PTGER3: variants seen among roughly 807,000 people sequenced by gnomAD.
PTGER3 encodes the protein prostaglandin E receptor 3.
Under a neutral mutation model 34.7 loss-of-function variants are expected in PTGER3, and 22 were observed. The observed-to-expected ratio is 0.63, with a 90% CI of 0.45 to 0.91. PTGER3 has a LOEUF of 0.91. PTGER3 is among the 40% of genes least tolerant of loss of function. PTGER3 has a pLI of 0.00. For missense variants in PTGER3, 468 were observed against 519.4 expected, an observed-to-expected ratio of 0.90 and a Z score of 0.96; for synonymous variants, 241 against 230.1, an observed-to-expected ratio of 1.05 and a Z score of -0.43.
intron 2 of PTGER3, among the ~76,000 whole-genome samples, chr1:70,981,375 CTTTCTTTCT>C (rs1301824040): frequency 2.2e-4 from 22 of 99,206 alleles, no homozygotes; most frequent in South Asian, 3.7e-4. Flanking sequence ...TTCTTTCTTT[CTTTCTTTCT>C]TTCTTTCTTT....
chr1:70,977,924 C>A (rs552159991), intron 2 of PTGER3, among the ~76,000 whole-genome samples: 1 of 152,172 alleles, frequency 6.6e-6, no homozygotes, highest in African/African-American at 2.4e-5. Context: ...TCCTAAACAA[C>A]TGACCAGAAT....
chr1:70,964,930 G>T (rs1292090672), intron 2 of PTGER3, among the ~76,000 whole-genome samples: 2 of 152,184 alleles, frequency 1.3e-5, no homozygotes, highest in Admixed American at 6.5e-5. Context: ...TCCCATCTTG[G>T]ATAGCAAAGA....
At chr1:70,940,473 T>C (rs1047459901) in intron 4 of PTGER3, among the ~76,000 whole-genome samples, 1 of 152,194 alleles carries the variant, frequency 6.6e-6, no homozygotes, top group African/African-American at 2.4e-5. Context: ...TCTGTTTTTA[T>C]GCTGCTGATA....
chr1:70,974,185 T>C lies in PTGER3; in HGVS notation c.1169+112A>G, dbSNP rs115402489. On this transcript the variant is annotated intron_variant, in intron 3 of 3. Coordinates refer to ENST00000306666, the MANE Select transcript of PTGER3 (RefSeq NM_198719.2). ...GCACTCTTAATCAGATGTATATGTT[T>C]AATTTGCATTTTAATTCTCAGAGAT... 161 of 1,422,846 alleles carry C rather than the reference T, an allele frequency of 1.1e-4. No individual in the cohort carries two copies. In the African/African-American group the frequency reaches 2.0e-3, roughly 17 times the overall value. The allele number at this position is 1,422,846 out of a possible 1,614,324, so 88.1% of individuals were successfully genotyped here. A position where few individuals can be genotyped will look rare whatever the true frequency, so the allele number is the denominator to read the frequency against.
At chr1:71,010,412 G>A in intron 2 of PTGER3, 1 of 984,198 alleles carries the variant, frequency 1.0e-6, no homozygotes, top group South Asian at 4.7e-5. Context: ...GCAAACTTCT[G>A]CTCATTGATT....
intron 2 of PTGER3, among the ~76,000 whole-genome samples, chr1:70,993,064 C>T (rs1348464264): frequency 6.6e-6 from 1 of 152,180 alleles, no homozygotes; most frequent in East Asian, 1.9e-4. Flanking sequence ...ATTCCCCCCT[C>T]TTCTAACAAG....
chr1:70,908,227 C>T (rs370575609), intron 4 of PTGER3, among the ~76,000 whole-genome samples: 22 of 152,268 alleles, frequency 1.4e-4, no homozygotes, highest in South Asian at 1.0e-3. Context: ...GAATTCCCAG[C>T]GTATCATGAC....
At chr1:70,911,452 T>G (rs1013896576) in intron 4 of PTGER3, among the ~76,000 whole-genome samples, 1 of 152,170 alleles carries the variant, frequency 6.6e-6, no homozygotes, top group Non-Finnish European at 1.5e-5. Flanking sequence ...GTTTTAGAAA[T>G]CTGGTAGTAC....
At chr1:71,031,977 G>A (rs1206521085) in intron 1 of PTGER3, among the ~76,000 whole-genome samples, 2 of 152,032 alleles carry the variant, frequency 1.3e-5, no homozygotes, top group African/African-American at 2.4e-5. Flanking sequence ...TTTGCTTTTG[G>A]ATCCAGGCAA....
intron 2 of PTGER3, chr1:71,006,001 A>G (rs945303964): frequency 1.8e-6 from 1 of 545,864 alleles, no homozygotes; most frequent in Non-Finnish European, 2.3e-6. Flanking sequence ...AACATTTATC[A>G]TTTCTTTGTG....
intron 4 of PTGER3, among the ~76,000 whole-genome samples, chr1:70,935,752 T>A (rs115945065): frequency 0.012 from 1,886 of 151,176 alleles, 38 homozygotes; most frequent in African/African-American, 0.043. Context: ...TTCTCAGTGG[T>A]CTTGACAAGT....
At chr1:70,887,768 T>C (rs986366973) in intron 4 of PTGER3, among the ~76,000 whole-genome samples, 4 of 152,230 alleles carry the variant, frequency 2.6e-5, no homozygotes, top group African/African-American at 7.2e-5. Flanking sequence ...TTAGCTATTA[T>C]GTTCTAGCTG....
chr1:70,942,273 G>T (rs1272446550), intron 4 of PTGER3, among the ~76,000 whole-genome samples: 3 of 152,188 alleles, frequency 2.0e-5, no homozygotes, highest in Non-Finnish European at 4.4e-5. Context: ...GAAGAGAGTT[G>T]CTGGTGGACC....
At chr1:70,911,252 C>G (rs1051064861) in intron 4 of PTGER3, among the ~76,000 whole-genome samples, 2 of 150,998 alleles carry the variant, frequency 1.3e-5, no homozygotes, top group African/African-American at 2.4e-5. Context: ...ATTGGAGACC[C>G]TTTTCTTCAT....
chr1:71,044,620 T>C (rs1274562508), intron 1 of PTGER3, among the ~76,000 whole-genome samples: 1 of 152,004 alleles, frequency 6.6e-6, no homozygotes, highest in Non-Finnish European at 1.5e-5. Flanking sequence ...CTTGAAAGAG[T>C]GAGTTTGGCC....
intron 1 of PTGER3, among the ~76,000 whole-genome samples, chr1:71,036,397 T>C (rs1318848333): frequency 6.6e-6 from 1 of 152,074 alleles, no homozygotes; most frequent in African/African-American, 2.4e-5. Flanking sequence ...GCACAACTAA[T>C]AGTACAACTA....
intron 4 of PTGER3, among the ~76,000 whole-genome samples, chr1:70,946,701 T>A (rs1650258234): frequency 6.6e-6 from 1 of 152,160 alleles, no homozygotes. Context: ...TCCACTCAAC[T>A]GGCACAGTTT....
intron 2 of PTGER3, among the ~76,000 whole-genome samples, chr1:70,981,297 TTCCTTC>T (rs1654242411): frequency 1.7e-5 from 1 of 60,072 alleles, no homozygotes; most frequent in African/African-American, 5.8e-5. Context: ...TCTCTCTTCC[TTCCTTC>T]CTTCCTTCCT....
At chr1:70,995,415 AATAG>A (rs1557723638) in intron 2 of PTGER3, among the ~76,000 whole-genome samples, 2 of 152,162 alleles carry the variant, frequency 1.3e-5, no homozygotes, top group African/African-American at 2.4e-5. Flanking sequence ...CTGCTCTTGA[AATAG>A]ATAGTCTAGG....
Sources: allele counts gnomAD v4.1 joint callset (sites outside exome capture counted in the v4.1 genomes callset), GRCh38; gene constraint gnomAD v4.1.1; transcripts MANE v1.5; gene names NCBI Gene and HGNC (gene_info 2026-07-23, HGNC 2026-07-21).